The following MAPK4 variants were observed in gnomAD, a reference collection of about 807,000 sequenced individuals.
The protein encoded by MAPK4 is mitogen-activated protein kinase 4.
A neutral mutation model predicts 47.7 loss-of-function variants in MAPK4; 22 were observed. The observed-to-expected ratio is 0.46, with a 90% CI of 0.33 to 0.66. The LOEUF is 0.66. Among genes scored for constraint, MAPK4 ranks in the 30% least tolerant of loss-of-function variants. The pLI is 0.02. For synonymous variants in MAPK4, 390 were observed against 365.7 expected (o/e 1.07, Z -0.76); for missense variants, 736 against 831.7 (o/e 0.88, Z 1.42).
intron 1 of MAPK4, among the ~76,000 whole-genome samples, chr18:50,662,421 A>G (rs1907321434): frequency 6.6e-6 from 1 of 152,218 alleles, no homozygotes. Context: ...TCACATTGTC[A>G]AAAAGAATAC....
At chr18:50,562,162 G>A (rs1054372088) in intron 1 of MAPK4, among the ~76,000 whole-genome samples, 4 of 152,158 alleles carry the variant, frequency 2.6e-5, no homozygotes, top group African/African-American at 7.2e-5. Context: ...TTAATTGCAT[G>A]TATTTTTCAA....
chr18:50,576,373 G>A (rs914400394), intron 1 of MAPK4, among the ~76,000 whole-genome samples: 3 of 152,152 alleles, frequency 2.0e-5, no homozygotes, highest in African/African-American at 7.2e-5. Context: ...ATTATCCTGA[G>A]TAAACTAACG....
In MAPK4 at chr18:50,730,150, C is replaced by G; in HGVS notation, c.*296C>G. ...ACGGCTTTAGACAGCAGTCTGCGGGCCCCACCTGGGTGGCAGGATGCCGAG... is the reference window on the plus strand; with the variant it reads ...ACGGCTTTAGACAGCAGTCTGCGGGGCCCACCTGGGTGGCAGGATGCCGAG... On this transcript the variant is annotated 3_prime_UTR_variant, in exon 6 of 6. Transcript: ENST00000400384. 3.6e-6 allele frequency: 1 copy of G among 278,600 alleles called. No individual in the cohort carries two copies. The highest frequency in any genetic ancestry group is 6.3e-5 in the East Asian group (1 of 15,800). The allele number at this position is 278,600 out of a possible 1,614,324, so 17.3% of individuals were successfully genotyped here. A position where few individuals can be genotyped will look rare whatever the true frequency, so the allele number is the denominator to read the frequency against.
chr18:50,725,666 A>G lies in MAPK4; in HGVS notation c.854-296A>G, dbSNP rs551917042. ...TCCCCCACCACATAAACTACCTACA[A>G]CCCTAAGCCTTGTCTCTGGTTCTGT... On this transcript the variant is annotated intron_variant, in intron 4 of 5. Coordinates refer to ENST00000400384, the MANE Select transcript of MAPK4 (RefSeq NM_002747.4). Among the ~76,000 whole-genome samples the G allele has an allele frequency of 3.3e-5, 5 of 151,514 alleles. No homozygotes were observed. The East Asian group carries it at 5.9e-4, about 18-fold the overall frequency.
chr18:50,586,919 A>G (rs1052677767), intron 1 of MAPK4, among the ~76,000 whole-genome samples: 4 of 151,976 alleles, frequency 2.6e-5, no homozygotes, highest in African/African-American at 4.8e-5. Flanking sequence ...TCTTGTGGTG[A>G]CACCTTCAAA....
intron 1 of MAPK4, among the ~76,000 whole-genome samples, chr18:50,643,695 G>A (rs1238449841): frequency 3.9e-5 from 6 of 152,122 alleles, no homozygotes; most frequent in East Asian, 3.9e-4. Flanking sequence ...GTGGTGGAAG[G>A]AGGCTTCAGT....
rs114686597 is a variant in MAPK4 at position 50,652,629 on chromosome 18, C to T, written c.-870-10460C>T. On this transcript the variant is annotated intron_variant, in intron 1 of 5. Coordinates refer to ENST00000400384, the MANE Select transcript of MAPK4 (RefSeq NM_002747.4). ...TGGAGCTTCTGAGAATGCATTTGCA[C>T]TGCTCAGATATTAATATTGATGCAG... Among the ~76,000 whole-genome samples the T allele has an allele frequency of 5.9e-3, 894 of 152,280 alleles. 2 individuals are homozygous for T. The highest frequency in any genetic ancestry group is 0.02 in the African/African-American group (824 of 41,546).
At chr18:50,715,482 TCC>T (rs979966968) in intron 3 of MAPK4, among the ~76,000 whole-genome samples, 4 of 152,208 alleles carry the variant, frequency 2.6e-5, no homozygotes, top group Non-Finnish European at 5.9e-5. Flanking sequence ...ATGCTTGTGT[TCC>T]CCTAACATTC....
In MAPK4 at chr18:50,726,031, AAC is replaced by A; in HGVS notation, c.926_927del (p.His309ProfsTer10). The A allele has an allele frequency of 2.5e-6, 4 of 1,614,152 alleles. No individual in the cohort carries two copies. ...CGCCTAACAGCTGAGATGGGGCTGC[AAC>A]ACCCCTACATGAGCCCATACTCGTG... On this transcript the variant is annotated frameshift_variant, in exon 5 of 6. Coordinates refer to ENST00000400384, the MANE Select transcript of MAPK4 (RefSeq NM_002747.4). LOFTEE classifies it high-confidence loss of function.
At chr18:50,567,094 A>G (rs1362047157) in intron 1 of MAPK4, among the ~76,000 whole-genome samples, 1 of 151,214 alleles carries the variant, frequency 6.6e-6, no homozygotes. Context: ...AGTTTTATTG[A>G]TGCTTTTTTT....
intron 1 of MAPK4, among the ~76,000 whole-genome samples, chr18:50,646,160 T>C (rs1481539471): frequency 6.6e-6 from 1 of 151,692 alleles, no homozygotes; most frequent in Non-Finnish European, 1.5e-5. Flanking sequence ...GAGCTCAGAG[T>C]TGGTGTTTTT....
chr18:50,647,865 C>A (rs1163467281), intron 1 of MAPK4, among the ~76,000 whole-genome samples: 2 of 152,132 alleles, frequency 1.3e-5, no homozygotes, highest in Non-Finnish European at 1.5e-5. Context: ...GCAAATCCCA[C>A]CCTTCAGGGA....
chr18:50,729,785 T>C lies in MAPK4; in HGVS notation c.1695T>C (p.Asn565=). 6.2e-7 allele frequency: 1 copy of C among 1,612,360 alleles called. No individual in the cohort carries two copies. The highest frequency in any genetic ancestry group is 8.5e-7 in the Non-Finnish European group (1 of 1,179,766). The change falls in exon 6 of 6, where the codon AAT becomes AAC. Residue 565 remains asparagine (N), a synonymous_variant. Transcript: ENST00000400384. ...DLPDNKLGDL[N]GACIPEHPGD... is the part of the protein sequence containing the mutation. ...CGGACAATAAACTGGGCGACCTCAATGGTGCGTGCATCCCCGAGCACCCTG... is the reference window on the plus strand; with the variant it reads ...CGGACAATAAACTGGGCGACCTCAACGGTGCGTGCATCCCCGAGCACCCTG...
Position 50,722,080 on chromosome 18 carries a change from C to T in MAPK4, c.834C>T (p.Leu278=). 6.2e-7 allele frequency: 1 copy of T among 1,612,906 alleles called. No individual in the cohort carries two copies. The highest frequency in any genetic ancestry group is 1.1e-5 in the South Asian group (1 of 90,930). The change falls in exon 4 of 6, where the codon CTC becomes CTT. Residue 278 remains leucine, a synonymous_variant. Coordinates refer to ENST00000400384, the MANE Select transcript of MAPK4 (RefSeq NM_002747.4). ...WEVKRPLRKL[L]PEVNSEAIDF... is the part of the protein sequence containing the mutation. ...TGAAGAGGCCTCTGCGCAAGCTGCT[C>T]CCTGAAGTGAACAGTGAAGGTACCT...
intron 1 of MAPK4, among the ~76,000 whole-genome samples, chr18:50,654,467 C>A (rs1196956153): frequency 6.6e-6 from 1 of 152,214 alleles, no homozygotes; most frequent in Non-Finnish European, 1.5e-5. Context: ...ACAAAGCAAG[C>A]CCCAAATAGG....
At chr18:50,613,014 A>G (rs942696458) in intron 1 of MAPK4, among the ~76,000 whole-genome samples, 59 of 152,292 alleles carry the variant, frequency 3.9e-4, no homozygotes, top group African/African-American at 1.3e-3. Context: ...AGCAAGTGAG[A>G]ACTTTTACAA....
At chr18:50,626,726 C>A (rs946756395) in intron 1 of MAPK4, among the ~76,000 whole-genome samples, 10 of 152,200 alleles carry the variant, frequency 6.6e-5, no homozygotes, top group African/African-American at 2.4e-4. Flanking sequence ...GTGTCTCCAG[C>A]AGATGTGCTT....
At chr18:50,589,156 C>T (rs1450923325) in intron 1 of MAPK4, among the ~76,000 whole-genome samples, 1 of 152,188 alleles carries the variant, frequency 6.6e-6, no homozygotes, top group Non-Finnish European at 1.5e-5. Flanking sequence ...TCTAGGTCCA[C>T]ATTTGGGCTC....
At chr18:50,679,945 G>A (rs1908489531) in intron 2 of MAPK4, among the ~76,000 whole-genome samples, 1 of 152,080 alleles carries the variant, frequency 6.6e-6, no homozygotes, top group Non-Finnish European at 1.5e-5. Context: ...TGAGGCCCAA[G>A]GCCTGCTAAC....
Sources: gnomAD v4.1 joint callset for allele counts (sites outside exome capture counted in the v4.1 genomes callset) on GRCh38, gnomAD v4.1.1 for gene constraint, MANE v1.5 for transcripts, NCBI Gene and HGNC (gene_info 2026-07-23, HGNC 2026-07-21) for gene names.